STAG3: variants seen among roughly 807,000 people sequenced by gnomAD.
STAG3 encodes the protein STAG3 cohesin complex component, also known as cohesin subunit SA-3.
A neutral mutation model predicts 160.7 loss-of-function variants in STAG3; 101 were observed. The ratio of observed to expected loss-of-function variants is 0.63; its 90% CI spans 0.54 to 0.74. The LOEUF is 0.74. Among genes scored for constraint, STAG3 ranks in the 30% least tolerant of loss-of-function variants. The pLI is 0.00. For missense variants in STAG3, 1,188 were observed against 1,517.4 expected, an observed-to-expected ratio of 0.78 and a Z score of 3.61; for synonymous variants, 519 against 585.0, an observed-to-expected ratio of 0.89 and a Z score of 1.63.
chr7:100,217,933 C>T (rs920388326), downstream of STAG3, among the ~76,000 whole-genome samples: 9 of 151,116 alleles, frequency 6.0e-5, no homozygotes, highest in East Asian at 2.0e-4. Context: ...GTTAGGCCTC[C>T]GGATGGCTGT....
intron 9 of STAG3, among the ~76,000 whole-genome samples, chr7:100,196,736 A>C (rs910247879): frequency 6.6e-6 from 1 of 152,100 alleles, no homozygotes; most frequent in Non-Finnish European, 1.5e-5. Context: ...GGTTGCAGTG[A>C]GCTGAGATTG....
Position 100,199,297 on chromosome 7 carries a change from G to A in STAG3, c.1503G>A (p.Leu501=). Residue 501 remains leucine, a synonymous_variant, in exon 15 of 34, where the codon CTG becomes CTA. Transcript: ENST00000615138. ...ACGCTGCTTACTTAGTAGACAGTCT[G>A]TGGGACTGTGCAGGGGCTCGGCTGA... ...HDHAAYLVDS[L]WDCAGARLKD... 6.2e-7 allele frequency: 1 copy of A among 1,614,048 alleles called. No homozygotes were observed. Among genetic ancestry groups the A allele is most frequent in the Non-Finnish European group, 8.5e-7 (1 of 1,179,876 alleles).
chr7:100,178,587 T>TTC (rs1192327549), intron 1 of STAG3, among the ~76,000 whole-genome samples: 1 of 151,670 alleles, frequency 6.6e-6, no homozygotes, highest in East Asian at 1.9e-4. Flanking sequence ...TTTTTTTTTT[T>TTC]TCCATTTAAT....
intron 16 of STAG3, among the ~76,000 whole-genome samples, 197 bp downstream of exon 16, chr7:100,199,841 G>A (rs550731084): frequency 1.3e-5 from 2 of 151,024 alleles, no homozygotes; most frequent in East Asian, 3.9e-4. Flanking sequence ...AGATCACGAG[G>A]TCAGGAGATC....
chr7:100,196,365 C>A (rs541293933), intron 9 of STAG3, among the ~76,000 whole-genome samples: 1 of 151,940 alleles, frequency 6.6e-6, no homozygotes, highest in Non-Finnish European at 1.5e-5. Flanking sequence ...ACGGCAAGCC[C>A]CACCCCCCGG....
rs1165337774 is a variant in STAG3 at position 100,188,924 on chromosome 7, A to T, written c.623A>T (p.Tyr208Phe). 3 of 1,614,102 alleles carry T rather than the reference A, an allele frequency of 1.9e-6. No homozygotes were observed. Among genetic ancestry groups the T allele is most frequent in the Admixed American group, 1.7e-5 (1 of 60,000 alleles). Residue 208 changes from tyrosine (Y) to phenylalanine (F), a missense_variant, in exon 7 of 34, where the codon TAT becomes TTT. Physicochemically the swap from Tyr to Phe is conservative, Grantham distance 22. Around this residue, in one of 4 missense-constraint regions of STAG3, gnomAD observed 296 missense variants for 404.0 expected, o/e 0.73. Coordinates refer to ENST00000615138, the MANE Select transcript of STAG3 (RefSeq NM_001282717.2). ...LVCQCQYSLLYDGFPMDDLIS... is the reference protein window; with the variant it reads ...LVCQCQYSLLFDGFPMDDLIS... ...TGTCAGTGCCAGTACAGCCTCCTCT[A>T]TGATGGCTTCCCTATGGACGACCTC...
chr7:100,187,081 G>T (rs2141160), intron 5 of STAG3, among the ~76,000 whole-genome samples: 38,163 of 151,822 alleles, frequency 0.25, 5,992 homozygotes, highest in East Asian at 0.62. Context: ...GCCCAGGCTA[G>T]AGTGCAGTGG....
chr7:100,199,763 C>A, intron 16 of STAG3, 119 bp downstream of exon 16: 2 of 830,816 alleles, frequency 2.4e-6, no homozygotes, highest in Non-Finnish European at 3.7e-6. Context: ...AATTTCATTT[C>A]CAGAAAAAAG....
intron 29 of STAG3, among the ~76,000 whole-genome samples, chr7:100,208,297 T>C (rs562675836): frequency 6.6e-6 from 1 of 152,304 alleles, no homozygotes; most frequent in East Asian, 1.9e-4. Flanking sequence ...AATACATAGT[T>C]GTTAGGGACC....
At position 100,200,438 on chromosome 7, in the gene STAG3, TG is replaced by T. The variant is rs1393700327; in HGVS notation, c.1771-14del. On this transcript the variant is annotated splice_polypyrimidine_tract_variant and intron_variant, in intron 17 of 33. Coordinates refer to ENST00000615138, the MANE Select transcript of STAG3 (RefSeq NM_001282717.2). The stretch of plus-strand genomic sequence containing the variant: ...GTGTCAGCTTGTAAGGAGGCCTCCC[TG>T]TCAATCATCACAGTTCTCAGCTGAT... The T allele has an allele frequency of 6.2e-7, 1 of 1,613,928 alleles. No individual in the cohort carries two copies. Among genetic ancestry groups the T allele is most frequent in the East Asian group, 2.2e-5 (1 of 44,878 alleles).
intron 32 of STAG3, chr7:100,213,369 AAGAAC>A (rs1244452039): frequency 2.0e-6 from 2 of 985,292 alleles, no homozygotes; most frequent in South Asian, 4.7e-5. Context: ...GGGAAGGAAA[AAGAAC>A]AGAATAGAAC....
At chr7:100,194,564 A>G (rs1290888853) in intron 8 of STAG3, among the ~76,000 whole-genome samples, 2 of 152,176 alleles carry the variant, frequency 1.3e-5, no homozygotes, top group African/African-American at 4.8e-5. Flanking sequence ...AGGTGGAAGG[A>G]TCGCTTGAGC....
At chr7:100,190,990 A>T (rs1023271899) in intron 8 of STAG3, among the ~76,000 whole-genome samples, 1 of 152,174 alleles carries the variant, frequency 6.6e-6, no homozygotes, top group Non-Finnish European at 1.5e-5. Context: ...CGAAAATGAT[A>T]TGTTGTTCTT....
intron 3 of STAG3, 28 bp from the exon 4 acceptor site, chr7:100,182,693 TCA>T (rs1584651732): frequency 6.2e-7 from 1 of 1,607,502 alleles, no homozygotes; most frequent in Admixed American, 1.7e-5. Context: ...TGTTTTTTTT[TCA>T]TATTTCTGAT....
chr7:100,217,091 AG>A (rs1802824209), downstream of STAG3, among the ~76,000 whole-genome samples: 1 of 152,200 alleles, frequency 6.6e-6, no homozygotes, highest in Non-Finnish European at 1.5e-5. Flanking sequence ...TCGTATTCCA[AG>A]GGAATCATGA....
chr7:100,200,807 G>A lies in STAG3; in HGVS notation c.1899G>A (p.Val633=). The A allele has an allele frequency of 6.8e-6, 11 of 1,614,216 alleles. No individual in the cohort carries two copies. Among genetic ancestry groups the A allele is most frequent in the African/African-American group, 1.3e-5 (1 of 75,060 alleles). ...TCCTGCAGCAACTCCAGGAGGTGGTGGTGAAGCATGCAGAGCCAGCGGTGC... is the reference window on the plus strand; with the variant it reads ...TCCTGCAGCAACTCCAGGAGGTGGTAGTGAAGCATGCAGAGCCAGCGGTGC... ...ELFLQQLQEV[V]VKHAEPAVLE... is the part of the protein sequence containing the mutation. The change falls in exon 19 of 34, where the codon GTG becomes GTA. Residue 633 remains valine, a synonymous_variant. Transcript: ENST00000615138.
intron 8 of STAG3, among the ~76,000 whole-genome samples, chr7:100,191,945 C>T (rs1029754587): frequency 1.3e-5 from 2 of 152,198 alleles, no homozygotes; most frequent in African/African-American, 4.8e-5. Flanking sequence ...TATTCACAAC[C>T]TCTTCACCAG....
intron 25 of STAG3, among the ~76,000 whole-genome samples, chr7:100,203,265 AC>A (rs558869088): frequency 1.3e-5 from 2 of 150,880 alleles, no homozygotes; most frequent in South Asian, 4.2e-4. Context: ...GCTCACTGCA[AC>A]CTCTGCCTCC....
At chr7:100,192,934 C>T (rs1360955537) in intron 8 of STAG3, among the ~76,000 whole-genome samples, 1 of 152,212 alleles carries the variant, frequency 6.6e-6, no homozygotes, top group Non-Finnish European at 1.5e-5. Flanking sequence ...TCAGAGGAAT[C>T]ACTGTGGCAG....
Sources: allele counts gnomAD v4.1 joint callset (sites outside exome capture counted in the v4.1 genomes callset), GRCh38; gene constraint gnomAD v4.1.1; regional missense constraint gnomAD v4.1.1; transcripts MANE v1.5; gene names NCBI Gene and HGNC (gene_info 2026-07-23, HGNC 2026-07-21).